MIPOL1: variants seen among roughly 807,000 people sequenced by gnomAD.
MIPOL1 encodes mirror-image polydactyly 1.
MIPOL1 carries 57 observed loss-of-function variants against 60.9 expected under a neutral mutation model. That is an observed-to-expected ratio of 0.94 (90% confidence interval 0.76 to 1.17). The LOEUF is 1.17. Ranked by LOEUF, MIPOL1 falls within the 50% of genes most tolerant of loss-of-function variation. The pLI, the probability that MIPOL1 is intolerant of heterozygous loss-of-function variation, is 0.00. For missense variants in MIPOL1, 551 were observed against 511.6 expected, an observed-to-expected ratio of 1.08 and a Z score of -0.74; for synonymous variants, 179 against 168.8, an observed-to-expected ratio of 1.06 and a Z score of -0.47.
intron 12 of MIPOL1, among the ~76,000 whole-genome samples, chr14:37,543,485 C>T (rs1215046592): frequency 6.6e-6 from 1 of 152,090 alleles, no homozygotes; most frequent in Non-Finnish European, 1.5e-5. Flanking sequence ...CCATGTTGGC[C>T]AGGCTGGTCT....
chr14:37,427,835 T>C (rs912411192), intron 11 of MIPOL1, among the ~76,000 whole-genome samples: 32 of 152,304 alleles, frequency 2.1e-4, no homozygotes, highest in African/African-American at 7.5e-4. Context: ...AACTAATTCA[T>C]AGAAATATTA....
In MIPOL1 at chr14:37,443,457, C is replaced by CA. The variant is rs3062712; in HGVS notation, c.1031+20534dup. ...CTGGGTGACAGAGAGACTATCTCAC[C>CA]AAAAAAAAAAAAAAAAAAAAAAAAA... On this transcript the variant is annotated intron_variant, in intron 11 of 12. Coordinates refer to ENST00000684589, the MANE Select transcript of MIPOL1 (RefSeq NM_001388067.1). Among the ~76,000 whole-genome samples, 429 of 45,440 alleles carry CA rather than the reference C, an allele frequency of 9.4e-3. 27 individuals carry two copies. The highest frequency in any genetic ancestry group is 0.011 in the South Asian group (10 of 910). The allele number at this position is 45,440 out of a possible 152,430, so 29.8% of individuals were successfully genotyped here.
intron 9 of MIPOL1, among the ~76,000 whole-genome samples, chr14:37,339,185 A>G (rs1477862067): frequency 6.6e-6 from 1 of 152,244 alleles, no homozygotes; most frequent in Non-Finnish European, 1.5e-5. Context: ...CAGAACTTCA[A>G]AATCATCCAA....
chr14:37,284,021 T>A (rs1446209532), intron 6 of MIPOL1, among the ~76,000 whole-genome samples: 1 of 151,824 alleles, frequency 6.6e-6, no homozygotes, highest in East Asian at 1.9e-4. Context: ...CCAGCCCACA[T>A]TGCAGTAATG....
chr14:37,402,229 A>G (rs996604621), intron 10 of MIPOL1, among the ~76,000 whole-genome samples: 1 of 152,186 alleles, frequency 6.6e-6, no homozygotes, highest in Non-Finnish European at 1.5e-5. Context: ...ATTTTAAGGT[A>G]TACATTTATA....
At chr14:37,320,389 T>C (rs1390860376) in intron 9 of MIPOL1, among the ~76,000 whole-genome samples, 2 of 152,146 alleles carry the variant, frequency 1.3e-5, no homozygotes, top group East Asian at 3.8e-4. Flanking sequence ...GTATTTTGTG[T>C]TTCCCTAATG....
intron 10 of MIPOL1, among the ~76,000 whole-genome samples, chr14:37,416,099 AT>A (rs1468950090): frequency 1.3e-5 from 2 of 152,220 alleles, no homozygotes; most frequent in African/African-American, 4.8e-5. Context: ...AAATTAGATA[AT>A]ATAGTATAAG....
intron 1 of MIPOL1, among the ~76,000 whole-genome samples, chr14:37,200,898 G>A (rs962245808): frequency 0.076 from 3,222 of 42,378 alleles, 119 homozygotes; most frequent in African/African-American, 0.25. Context: ...GTGTGTGTGT[G>A]TATTTTTTTT....
chr14:37,414,530 C>A (rs898535671), intron 10 of MIPOL1, among the ~76,000 whole-genome samples: 6 of 152,114 alleles, frequency 3.9e-5, no homozygotes, highest in African/African-American at 1.4e-4. Flanking sequence ...TTCAAATATT[C>A]CATCTTACTG....
At chr14:37,390,775 G>A (rs1165520732) in intron 10 of MIPOL1, among the ~76,000 whole-genome samples, 1 of 151,902 alleles carries the variant, frequency 6.6e-6, no homozygotes, top group African/African-American at 2.4e-5. Flanking sequence ...ATGTAGCTGA[G>A]AGACAATGAA....
Position 37,285,402 on chromosome 14 carries a change from A to C in MIPOL1, c.578A>C (p.Asp193Ala). The change falls in exon 7 of 13, where the codon GAT becomes GCT. Residue 193 changes from aspartate to alanine, a missense_variant. By Grantham distance (126) the Asp-to-Ala change is moderately radical. Transcript: ENST00000684589. Reference protein sequence around the residue: ...SRLQLAIEERDEAIARAKHME... With the variant: ...SRLQLAIEERAEAIARAKHME... ...CTGCAATTAGCCATTGAGGAGAGAG[A>C]TGAAGCAATTGCACGAGCCAAGCAT... 6.2e-7 allele frequency: 1 copy of C among 1,614,086 alleles called. No homozygotes were observed. Among genetic ancestry groups the C allele is most frequent in the Non-Finnish European group, 8.5e-7 (1 of 1,179,976 alleles).
intron 1 of MIPOL1, among the ~76,000 whole-genome samples, chr14:37,234,740 C>T (rs1971171015): frequency 6.6e-6 from 1 of 151,394 alleles, no homozygotes; most frequent in Admixed American, 6.6e-5. Flanking sequence ...TTGGTCCCTG[C>T]AGTACTGATA....
chr14:37,363,338 G>A (rs1386318650), intron 9 of MIPOL1, among the ~76,000 whole-genome samples: 1 of 152,136 alleles, frequency 6.6e-6, no homozygotes, highest in Non-Finnish European at 1.5e-5. Flanking sequence ...ATTCCTTTCT[G>A]TTTCTTAGTT....
In MIPOL1 at chr14:37,512,596, A is replaced by G. The variant is rs2095337123; in HGVS notation, c.1262+12458A>G. 2.6e-5 allele frequency among the ~76,000 whole-genome samples: 4 copies of G among 152,110 alleles called. No homozygotes were observed. In the South Asian group the frequency reaches 6.2e-4, roughly 24 times the overall value. ...AAAAATAATTATGCTAAAAAATGAA[A>G]GGCCTCAGTGAATTTTTTTTTATAA... On this transcript the variant is annotated intron_variant, in intron 12 of 12. Transcript: ENST00000684589.
At chr14:37,471,680 T>C (rs1408315268) in intron 11 of MIPOL1, among the ~76,000 whole-genome samples, 1 of 152,206 alleles carries the variant, frequency 6.6e-6, no homozygotes, top group African/African-American at 2.4e-5. Flanking sequence ...CCAACCACTT[T>C]TTTTTAATGC....
rs574604212 is a variant in MIPOL1, at chr14:37,360,920, A to G, written c.829-8597A>G. Among the ~76,000 whole-genome samples the G allele has an allele frequency of 7.9e-5, 12 of 152,206 alleles. No homozygotes were observed. In the East Asian group the frequency reaches 1.5e-3, roughly 20 times the overall value. On this transcript the variant is annotated intron_variant, in intron 9 of 12. Coordinates refer to ENST00000684589, the MANE Select transcript of MIPOL1 (RefSeq NM_001388067.1). Reference sequence around the variant, plus strand: ...TTTTAATTGTGATGGTAGGATGTCAATTTTAGATCTTTTCTGCTTTCTCTT... The same window carrying G: ...TTTTAATTGTGATGGTAGGATGTCAGTTTTAGATCTTTTCTGCTTTCTCTT...
At chr14:37,237,566 G>A (rs1343920674) in intron 1 of MIPOL1, among the ~76,000 whole-genome samples, 1 of 152,000 alleles carries the variant, frequency 6.6e-6, no homozygotes, top group Non-Finnish European at 1.5e-5. Flanking sequence ...CATTTTTCTA[G>A]TCCACTATTT....
chr14:37,388,045 T>A (rs987756520), intron 10 of MIPOL1, among the ~76,000 whole-genome samples: 2 of 151,762 alleles, frequency 1.3e-5, no homozygotes, highest in Non-Finnish European at 2.9e-5. Flanking sequence ...TGTCCAACTA[T>A]AAGTGCGAAC....
chr14:37,295,835 A>AC (rs1332998176), intron 7 of MIPOL1, among the ~76,000 whole-genome samples: 2 of 152,204 alleles, frequency 1.3e-5, no homozygotes, highest in East Asian at 3.9e-4. Context: ...AATGACTTAG[A>AC]CCCCCACACA....
Sources: allele counts gnomAD v4.1 joint callset (sites outside exome capture counted in the v4.1 genomes callset), GRCh38; gene constraint gnomAD v4.1.1; transcripts MANE v1.5; gene names NCBI Gene and HGNC (gene_info 2026-07-23, HGNC 2026-07-21).